Variants in CYP27C1 observed in about 807,000 individuals in gnomAD.
CYP27C1 encodes cytochrome P450 family 27 subfamily C member 1, also known as cytochrome P450 27C1.
In CYP27C1, 29 loss-of-function variants were observed where a neutral mutation model predicts 40.6. That is an observed-to-expected ratio of 0.71 (90% CI 0.53 to 0.97). The LOEUF is 0.97. CYP27C1 is among the 50% of genes least tolerant of loss of function. The pLI, the probability that CYP27C1 is intolerant of heterozygous loss-of-function variation, is 0.00. For synonymous variants in CYP27C1, 198 were observed against 186.8 expected, an observed-to-expected ratio of 1.06 and a Z score of -0.49; for missense variants, 390 against 485.8, an observed-to-expected ratio of 0.80 and a Z score of 1.85.
At chr2:127,204,242 G>A (rs1471643219) in intron 2 of CYP27C1, among the ~76,000 whole-genome samples, 1 of 145,280 alleles carries the variant, frequency 6.9e-6, no homozygotes, top group Non-Finnish European at 1.5e-5. Context: ...CTCCAGCCTA[G>A]GCGACAGAGC....
At chr2:127,191,576 G>A (rs2104674436) in intron 8 of CYP27C1, among the ~76,000 whole-genome samples, 1 of 152,324 alleles carries the variant, frequency 6.6e-6, no homozygotes, top group Non-Finnish European at 1.5e-5. Flanking sequence ...TTAGTGCAGG[G>A]CTCAGAAGAT....
In CYP27C1 at chr2:127,218,496, C is replaced by T. The variant is rs1683486125; in HGVS notation, c.282+1493G>A. ...GCGGTTTGGAACTGTATAGGGTTGGCGTGGCGGACTTGAGGAGGGACGGTT... is the reference window on the plus strand; with the variant it reads ...GCGGTTTGGAACTGTATAGGGTTGGTGTGGCGGACTTGAGGAGGGACGGTT... On this transcript the variant is annotated intron_variant, in intron 1 of 8. Coordinates refer to ENST00000664447, the MANE Select transcript of CYP27C1 (RefSeq NM_001367502.1). The surrounding 1 kb of genome is among the most constrained non-coding windows in gnomAD (Gnocchi z 6.0). Among the ~76,000 whole-genome samples, 1 of 152,054 alleles carries T rather than the reference C, an allele frequency of 6.6e-6. No individual in the cohort carries two copies. The highest frequency in any genetic ancestry group is 3.4e-3 in the Middle Eastern group (1 of 294).
At position 127,200,267 on chromosome 2, in the gene CYP27C1, A is replaced by G. The variant is rs986323759; in HGVS notation, c.884-728T>C. 8.5e-5 allele frequency among the ~76,000 whole-genome samples: 13 copies of G among 152,272 alleles called. No individual in the cohort carries two copies. The highest frequency in any genetic ancestry group is 2.9e-4 in the African/African-American group (12 of 41,482). ...AGTGCTGGGATTACAGGCGTGAGCC[A>G]CTGCACCCAGCCTAAATATTGATCT... On this transcript the variant is annotated intron_variant, in intron 4 of 8. Transcript: ENST00000664447. This position sits in a 1 kb window ranked among gnomAD's most constrained non-coding sequence, Gnocchi z 4.2.
chr2:127,203,635 G>T (rs1186984549), intron 2 of CYP27C1, 64 bp from the exon 3 acceptor site: 3 of 1,526,794 alleles, frequency 2.0e-6, no homozygotes, highest in Non-Finnish European at 2.6e-6. Context: ...AAGAATTCAA[G>T]GAACCTCTAG....
rs1000002630 is a variant in CYP27C1, at chr2:127,189,174, C to G, written c.1498-1787G>C. Among the ~76,000 whole-genome samples the G allele has an allele frequency of 9.7e-4, 146 of 150,996 alleles. 1 individual carries two copies. Among genetic ancestry groups the G allele is most frequent in the Non-Finnish European group, 2.0e-3 (133 of 67,704 alleles). On this transcript the variant is annotated intron_variant, in intron 8 of 8. Transcript: ENST00000664447. ...ACAAAAGACAAAAAACACTGCCCCC[C>G]CCCTCCGCCCCCCTACATCCAGTTT...
In CYP27C1 at chr2:127,207,198, C is replaced by T. The variant is rs559208790; in HGVS notation, c.283-1108G>A. 1.2e-4 allele frequency among the ~76,000 whole-genome samples: 18 copies of T among 152,048 alleles called. 1 individual carries two copies. The highest frequency in any genetic ancestry group is 4.3e-4 in the African/African-American group (18 of 41,506). ...TGGGCAACATGGCAAAATTCTGTCT[C>T]TAAAAAAAATACATGGCTGGGTGCA... On this transcript the variant is annotated intron_variant, in intron 1 of 8. Coordinates refer to ENST00000664447, the MANE Select transcript of CYP27C1 (RefSeq NM_001367502.1).
intron 8 of CYP27C1, among the ~76,000 whole-genome samples, chr2:127,192,819 C>A (rs1391122877): frequency 6.4e-5 from 4 of 62,060 alleles, no homozygotes; most frequent in Admixed American, 2.2e-4. Context: ...TCATGCAGAG[C>A]TCTTATTTTT....
rs1266563623 is a variant in CYP27C1, at chr2:127,200,957, C to G, written c.883+165G>C. Among the ~76,000 whole-genome samples the G allele has an allele frequency of 6.6e-6, 1 of 150,624 alleles. No homozygotes were observed. Among genetic ancestry groups the G allele is most frequent in the Non-Finnish European group, 1.5e-5 (1 of 67,694 alleles). On this transcript the variant is annotated intron_variant, in intron 4 of 8. Transcript: ENST00000664447. This position sits in a 1 kb window ranked among gnomAD's most constrained non-coding sequence, Gnocchi z 4.2. Reference sequence around the variant, plus strand: ...CAGCATGGGCGACAGAGCCAGACTCCGTCTCAAAAAAAAAAAAAATCCAAA... The same window carrying G: ...CAGCATGGGCGACAGAGCCAGACTCGGTCTCAAAAAAAAAAAAAATCCAAA...
Position 127,184,401 on chromosome 2 carries a change from T to C in CYP27C1, c.*2870A>G, listed in dbSNP as rs1459820574. The C allele has an allele frequency of 6.6e-6, 1 of 152,136 alleles. No individual in the cohort carries two copies. Among genetic ancestry groups the C allele is most frequent in the African/African-American group, 2.4e-5 (1 of 41,410 alleles). 9.4% of individuals were successfully genotyped at this position (152,136 alleles called of 1,614,324 possible). ...AACAGTTCTCCTCTCCCCTTGGTTT[T>C]TTTTTTGCTTTTTGGTTTTTGTTTT... On this transcript the variant is annotated 3_prime_UTR_variant, in exon 9 of 9. Coordinates refer to ENST00000664447, the MANE Select transcript of CYP27C1 (RefSeq NM_001367502.1).
intron 1 of CYP27C1, among the ~76,000 whole-genome samples, chr2:127,213,920 A>G (rs1370337049): frequency 6.6e-6 from 1 of 152,212 alleles, no homozygotes; most frequent in Admixed American, 6.5e-5. Context: ...CATCTGACAA[A>G]GGTCTAATAG....
chr2:127,196,356 C>T lies in CYP27C1; in HGVS notation c.1048-855G>A, dbSNP rs557131874. 2.7e-3 allele frequency among the ~76,000 whole-genome samples: 405 copies of T among 152,236 alleles called. 3 individuals carry two copies. The highest frequency in any genetic ancestry group is 9.4e-3 in the African/African-American group (391 of 41,548). On this transcript the variant is annotated intron_variant, in intron 5 of 8. Transcript: ENST00000664447. The surrounding 1 kb of genome is among the most constrained non-coding windows in gnomAD (Gnocchi z 4.5). ...GATTACAGGCGTGAGCCACCACGCC[C>T]GGTCAGCCATGTCATTTTTTATACC...
chr2:127,197,094 G>A (rs1682921070), intron 5 of CYP27C1, among the ~76,000 whole-genome samples: 1 of 152,178 alleles, frequency 6.6e-6, no homozygotes, highest in African/African-American at 2.4e-5. Flanking sequence ...CCACCTCATT[G>A]TGATGTTCTT....
chr2:127,197,505 T>A (rs1041976739), intron 5 of CYP27C1, among the ~76,000 whole-genome samples: 2 of 152,244 alleles, frequency 1.3e-5, no homozygotes, highest in East Asian at 3.9e-4. Context: ...ATGGGCTTGG[T>A]TGTTTAGTTT....
In CYP27C1 at chr2:127,196,770, GAATC is replaced by G. The variant is rs1261227058; in HGVS notation, c.1048-1273_1048-1270del. On this transcript the variant is annotated intron_variant, in intron 5 of 8. Coordinates refer to ENST00000664447, the MANE Select transcript of CYP27C1 (RefSeq NM_001367502.1). The surrounding 1 kb of genome is among the most constrained non-coding windows in gnomAD (Gnocchi z 4.5). ...TGGAATACTACTTAGTAATAAAAAA[GAATC>G]AATTACTGTTCTATGCCACCACATG... Among the ~76,000 whole-genome samples, 1 of 152,122 alleles carries G rather than the reference GAATC, an allele frequency of 6.6e-6. No individual in the cohort carries two copies. Among genetic ancestry groups the G allele is most frequent in the Non-Finnish European group, 1.5e-5 (1 of 68,012 alleles).
At chr2:127,213,526 T>A (rs375092010) in intron 1 of CYP27C1, among the ~76,000 whole-genome samples, 7 of 152,132 alleles carry the variant, frequency 4.6e-5, no homozygotes, top group Non-Finnish European at 1.0e-4. Flanking sequence ...TCTACAACCA[T>A]CTGCTCTTTG....
intron 1 of CYP27C1, among the ~76,000 whole-genome samples, chr2:127,207,156 G>A (rs913663957): frequency 1.3e-5 from 2 of 152,218 alleles, no homozygotes; most frequent in South Asian, 4.2e-4. Context: ...CTAGAGCACA[G>A]GAGTTCAAGA....
chr2:127,192,649 G>A (rs1682807430), intron 8 of CYP27C1, among the ~76,000 whole-genome samples: 1 of 122,956 alleles, frequency 8.1e-6, no homozygotes, highest in Non-Finnish European at 1.8e-5. Context: ...GACGGTGCCT[G>A]AGAGGCCAGC....
intron 8 of CYP27C1, among the ~76,000 whole-genome samples, chr2:127,189,061 G>T (rs2104671142): frequency 6.6e-6 from 1 of 152,170 alleles, no homozygotes; most frequent in East Asian, 1.9e-4. Flanking sequence ...GGACATGTGG[G>T]TCTCCTAACT....
In CYP27C1 at chr2:127,196,220, G is replaced by C. The variant is rs1418662203; in HGVS notation, c.1048-719C>G. 6.7e-6 allele frequency among the ~76,000 whole-genome samples: 1 copy of C among 149,102 alleles called. No homozygotes were observed. The highest frequency in any genetic ancestry group is 1.5e-5 in the Non-Finnish European group (1 of 67,418). ...TGGGACTACAGGCGCTCACCACCACGCCCGGCTAATTTTTTGTATTTTTAG... is the reference window on the plus strand; with the variant it reads ...TGGGACTACAGGCGCTCACCACCACCCCCGGCTAATTTTTTGTATTTTTAG... On this transcript the variant is annotated intron_variant, in intron 5 of 8. Transcript: ENST00000664447. This position sits in a 1 kb window ranked among gnomAD's most constrained non-coding sequence, Gnocchi z 4.5.
Sources: allele counts gnomAD v4.1 joint callset (sites outside exome capture counted in the v4.1 genomes callset), GRCh38; gene constraint gnomAD v4.1.1; non-coding constraint Gnocchi (gnomAD v3.1); transcripts MANE v1.5; gene names NCBI Gene and HGNC (gene_info 2026-07-23, HGNC 2026-07-21).